Variants in MAGI3 observed in about 807,000 individuals in gnomAD.
MAGI3 encodes the protein membrane associated guanylate kinase, WW and PDZ domain containing 3.
In MAGI3, 43 loss-of-function variants were observed where a neutral mutation model predicts 121.8. The ratio of observed to expected loss-of-function variants is 0.35; its 90% confidence interval spans 0.28 to 0.46. The LOEUF (loss-of-function observed/expected upper bound fraction) is 0.46, where lower values mean the gene tolerates loss of function less well. Ranked by LOEUF, MAGI3 falls within the 20% of genes least tolerant of loss-of-function variation. MAGI3 has a pLI of 1.00. For synonymous variants in MAGI3, 553 were observed against 639.3 expected, an observed-to-expected ratio of 0.86 and a Z score of 2.04; for missense variants, 1,547 against 1,797.3, an observed-to-expected ratio of 0.86 and a Z score of 2.52.
intron 3 of MAGI3, among the ~76,000 whole-genome samples, chr1:113,583,788 C>T (rs1161423054): frequency 6.6e-6 from 1 of 151,916 alleles, no homozygotes; most frequent in Admixed American, 6.6e-5. Flanking sequence ...CAAATCTTTG[C>T]ATCCATCTGT....
chr1:113,489,141 A>G (rs1273039259), intron 1 of MAGI3, among the ~76,000 whole-genome samples: 3 of 152,104 alleles, frequency 2.0e-5, no homozygotes, highest in Admixed American at 1.3e-4. Flanking sequence ...ATCAGAGTGT[A>G]GTGACCAGCG....
At position 113,479,197 on chromosome 1, in the gene MAGI3, C is replaced by T. The variant is rs546214135; in HGVS notation, c.317-70318C>T. ...GAAAGGGAAATCCCCTGATCCCTTG[C>T]GCTTCCCAGGTGAGGTGACGTCTCG... On this transcript the variant is annotated intron_variant, in intron 1 of 20. Coordinates refer to ENST00000307546, the MANE Select transcript of MAGI3 (RefSeq NM_001142782.2). 9.8e-5 allele frequency among the ~76,000 whole-genome samples: 15 copies of T among 152,316 alleles called. No individual in the cohort carries two copies. The East Asian group carries it at 1.4e-3, about 14-fold the overall frequency.
At chr1:113,527,048 T>C (rs35724759) in intron 1 of MAGI3, among the ~76,000 whole-genome samples, 24,176 of 152,160 alleles carry the variant, frequency 0.16, 2,242 homozygotes, top group Non-Finnish European at 0.2. Flanking sequence ...AATTAATATA[T>C]GTACAGAATT....
intron 1 of MAGI3, among the ~76,000 whole-genome samples, chr1:113,509,533 C>T (rs1275149882): frequency 3.1e-5 from 4 of 129,556 alleles, no homozygotes; most frequent in African/African-American, 8.8e-5. Flanking sequence ...AAGGAACCTT[C>T]GATATTGCCA....
chr1:113,459,262 G>T (rs1175023647), intron 1 of MAGI3, among the ~76,000 whole-genome samples: 1 of 152,080 alleles, frequency 6.6e-6, no homozygotes, highest in Non-Finnish European at 1.5e-5. Flanking sequence ...GAGAATGATC[G>T]ATTTAATGAA....
chr1:113,414,338 T>C (rs887638082), intron 1 of MAGI3, among the ~76,000 whole-genome samples: 1 of 152,198 alleles, frequency 6.6e-6, no homozygotes, highest in Non-Finnish European at 1.5e-5. Context: ...TCTAAAATTC[T>C]CTTTTTTTGT....
intron 11 of MAGI3, 45 bp from the exon 12 acceptor site, chr1:113,646,441 A>T: frequency 6.7e-7 from 1 of 1,493,602 alleles, no homozygotes; most frequent in Non-Finnish European, 9.1e-7. Flanking sequence ...TTAATCAACC[A>T]TCTGCTTTTT....
intron 7 of MAGI3, among the ~76,000 whole-genome samples, chr1:113,616,115 G>T (rs1227131068): frequency 1.3e-5 from 2 of 152,130 alleles, no homozygotes; most frequent in Admixed American, 1.3e-4. Context: ...TGAGCTGAAT[G>T]ATCTGGTCCC....
At chr1:113,526,469 G>C (rs566887362) in intron 1 of MAGI3, among the ~76,000 whole-genome samples, 1 of 151,464 alleles carries the variant, frequency 6.6e-6, no homozygotes, top group East Asian at 1.9e-4. Context: ...CTACGTATGA[G>C]AGAGAGAGAA....
intron 2 of MAGI3, among the ~76,000 whole-genome samples, chr1:113,572,419 GGGA>G (rs1254245644): frequency 1.3e-5 from 2 of 152,190 alleles, no homozygotes; most frequent in African/African-American, 4.8e-5. Context: ...AAATGAGTTA[GGGA>G]GGAGTCCCTC....
At chr1:113,611,950 T>TATTTATTTATTTA (rs1040646303) in intron 6 of MAGI3, among the ~76,000 whole-genome samples, 3 of 151,122 alleles carry the variant, frequency 2.0e-5, no homozygotes, top group Non-Finnish European at 4.4e-5. Flanking sequence ...TTTATTTATT[T>TATTTATTTATTTA]ATTTATTTAT....
intron 1 of MAGI3, among the ~76,000 whole-genome samples, chr1:113,448,857 C>T (rs745326766): frequency 2.0e-5 from 3 of 152,090 alleles, no homozygotes; most frequent in African/African-American, 4.8e-5. Flanking sequence ...CAGTGGATCA[C>T]GCCTGTAATT....
chr1:113,537,494 G>A (rs766882281), intron 1 of MAGI3, among the ~76,000 whole-genome samples: 1 of 152,196 alleles, frequency 6.6e-6, no homozygotes, highest in African/African-American at 2.4e-5. Context: ...AATGGCCAAT[G>A]AGTTTGGCCA....
intron 5 of MAGI3, among the ~76,000 whole-genome samples, chr1:113,592,241 G>A (rs1490396542): frequency 2.0e-5 from 3 of 152,138 alleles, no homozygotes. Context: ...AAGCTGTTTG[G>A]TTTGGTATAA....
chr1:113,538,518 A>G (rs981871830), intron 1 of MAGI3, among the ~76,000 whole-genome samples: 3 of 152,234 alleles, frequency 2.0e-5, no homozygotes, highest in Admixed American at 1.3e-4. Context: ...AAATAGCCTC[A>G]GGATAACACT....
rs954831378 is a variant in MAGI3 at position 113,536,177 on chromosome 1, CAG to C, written c.317-13337_317-13336del. 7.2e-4 allele frequency among the ~76,000 whole-genome samples: 108 copies of C among 149,262 alleles called. 2 individuals are homozygous for C. The highest frequency in any genetic ancestry group is 2.6e-3 in the African/African-American group (105 of 40,754). Reference sequence around the variant, plus strand: ...TTTTTTTTAAAAAAATTTGATTAGACAGTATGAATCTAACTGTTAGGGATATA... The same window carrying C: ...TTTTTTTTAAAAAAATTTGATTAGACTATGAATCTAACTGTTAGGGATATA... On this transcript the variant is annotated intron_variant, in intron 1 of 20. Transcript: ENST00000307546.
At chr1:113,534,431 C>T (rs1045253943) in intron 1 of MAGI3, among the ~76,000 whole-genome samples, 1 of 152,108 alleles carries the variant, frequency 6.6e-6, no homozygotes, top group Admixed American at 6.5e-5. Flanking sequence ...CTTGCCTTTC[C>T]TTCCATGCCA....
chr1:113,490,927 A>G (rs1656638714), intron 1 of MAGI3, among the ~76,000 whole-genome samples: 1 of 152,196 alleles, frequency 6.6e-6, no homozygotes, highest in Non-Finnish European at 1.5e-5. Context: ...CCCACACAAT[A>G]ATAGTGGGAA....
chr1:113,586,690 C>G (rs1407074416), intron 4 of MAGI3, among the ~76,000 whole-genome samples: 2 of 152,116 alleles, frequency 1.3e-5, no homozygotes, highest in Non-Finnish European at 2.9e-5. Flanking sequence ...TGCTATCCCA[C>G]AAAATTAAGT....
Sources: gnomAD v4.1 joint callset for allele counts (sites outside exome capture counted in the v4.1 genomes callset) on GRCh38, gnomAD v4.1.1 for gene constraint, MANE v1.5 for transcripts, NCBI Gene and HGNC (gene_info 2026-07-23, HGNC 2026-07-21) for gene names.